The following TRPC5 variants were observed in gnomAD, a reference collection of about 807,000 sequenced individuals.
TRPC5 encodes the protein transient receptor potential cation channel subfamily C member 5.
TRPC5 carries 9 observed loss-of-function variants against 56.5 expected under a neutral mutation model. That is an observed-to-expected ratio of 0.16 (90% confidence interval 0.10 to 0.28). The LOEUF is 0.28. Ranked by LOEUF, TRPC5 falls within the 10% of genes least tolerant of loss-of-function variation. The pLI, the probability that TRPC5 is intolerant of heterozygous loss-of-function variation, is 1.00. For synonymous variants in TRPC5, 282 were observed against 278.5 expected, an observed-to-expected ratio of 1.01 and a Z score of -0.13; for missense variants, 469 against 748.9, an observed-to-expected ratio of 0.63 and a Z score of 4.36.
At chrX:112,017,711 T>C (rs1375674311) in intron 1 of TRPC5, among the ~76,000 whole-genome samples, 2 of 111,607 alleles carry the variant, frequency 1.8e-5, no homozygotes, top group Non-Finnish European at 3.8e-5. Context: ...AATACTTGTG[T>C]TTTTCTGCAA....
intron 1 of TRPC5, among the ~76,000 whole-genome samples, chrX:111,974,507 G>A (rs1221979427): frequency 1.8e-5 from 2 of 112,131 alleles, no homozygotes; most frequent in South Asian, 3.7e-4. Context: ...AATCTAAGAA[G>A]CATTTATTCA....
intron 2 of TRPC5, among the ~76,000 whole-genome samples, chrX:111,946,282 GCCAAGTAGCTTTA>G (rs1238250086): frequency 8.9e-6 from 1 of 111,980 alleles, no homozygotes; most frequent in Non-Finnish European, 1.9e-5. Context: ...ACCTGCCTGA[GCCAAGTAGCTTTA>G]CCCAGGTTCC....
chrX:111,943,632 T>C (rs1926841493), intron 2 of TRPC5, among the ~76,000 whole-genome samples: 1 of 112,466 alleles, frequency 8.9e-6, no homozygotes, highest in South Asian at 3.7e-4. Context: ...TTCACCTGCT[T>C]GCATTGACGC....
intron 7 of TRPC5, among the ~76,000 whole-genome samples, chrX:111,819,488 A>G (rs977890385): frequency 1.8e-5 from 2 of 110,889 alleles, no homozygotes; most frequent in Admixed American, 1.9e-4. Context: ...TCCACTGGGG[A>G]GTGAGGGAAC....
rs1287332203 is a variant in TRPC5, at chrX:111,791,292, A to T, written c.1897-9154T>A. Reference sequence around the variant, plus strand: ...ATGTCAGCCAGCTTTTTCATCAGCCACCCTAGTCCTGGCACAATGGATTCA... The same window carrying T: ...ATGTCAGCCAGCTTTTTCATCAGCCTCCCTAGTCCTGGCACAATGGATTCA... On this transcript the variant is annotated intron_variant, in intron 7 of 10. Coordinates refer to ENST00000262839, the MANE Select transcript of TRPC5 (RefSeq NM_012471.3). 4.5e-5 allele frequency among the ~76,000 whole-genome samples: 5 copies of T among 111,096 alleles called. No homozygotes were observed. The East Asian group carries it at 1.1e-3, about 25-fold the overall frequency.
At chrX:111,909,163 A>ACAC (rs60733301) in intron 3 of TRPC5, among the ~76,000 whole-genome samples, 1 of 92,764 alleles carries the variant, frequency 1.1e-5, no homozygotes, top group South Asian at 5.1e-4. Flanking sequence ...AAAAAAAAAA[A>ACAC]AAAAAAAAAA....
At chrX:111,785,599 G>T (rs1945956036) in intron 7 of TRPC5, among the ~76,000 whole-genome samples, 1 of 111,547 alleles carries the variant, frequency 9.0e-6, no homozygotes, top group Admixed American at 9.5e-5. Flanking sequence ...CAGAAGGTCG[G>T]TAATAACAAA....
At chrX:112,060,546 T>C (rs1346788993) in intron 1 of TRPC5, among the ~76,000 whole-genome samples, 7 of 111,913 alleles carry the variant, frequency 6.3e-5, no homozygotes, top group African/African-American at 2.3e-4. Context: ...GAATCTTTTC[T>C]GAGGTTATCT....
At chrX:111,785,636 G>A (rs186817883) in intron 7 of TRPC5, among the ~76,000 whole-genome samples, 39 of 111,673 alleles carry the variant, frequency 3.5e-4, no homozygotes, top group African/African-American at 1.3e-3. Flanking sequence ...GAGGATGTTC[G>A]AACCCATCAT....
chrX:111,999,957 C>G (rs1385995637), intron 1 of TRPC5, among the ~76,000 whole-genome samples: 2 of 111,781 alleles, frequency 1.8e-5, no homozygotes, highest in Non-Finnish European at 3.8e-5. Flanking sequence ...CAGAGCAACA[C>G]TCCGTCTCAA....
At chrX:111,979,743 G>A (rs1928028083) in intron 1 of TRPC5, among the ~76,000 whole-genome samples, 1 of 111,394 alleles carries the variant, frequency 9.0e-6, no homozygotes, top group African/African-American at 3.3e-5. Context: ...TAGTTTTTAG[G>A]TAAATACAAA....
intron 3 of TRPC5, chrX:111,903,921 A>G (rs1384242582): frequency 8.9e-6 from 1 of 112,147 alleles, no homozygotes; most frequent in Non-Finnish European, 1.9e-5. Flanking sequence ...TTAGCTATTG[A>G]TCTAAACCAT....
chrX:111,998,573 A>T (rs944256658), intron 1 of TRPC5, among the ~76,000 whole-genome samples: 1 of 112,144 alleles, frequency 8.9e-6, no homozygotes, highest in Non-Finnish European at 1.9e-5. Context: ...AGCCCTCTGT[A>T]TCCACGGATT....
chrX:112,040,779 A>G (rs1020852264), intron 1 of TRPC5, among the ~76,000 whole-genome samples: 2 of 111,983 alleles, frequency 1.8e-5, no homozygotes, highest in African/African-American at 6.5e-5. Context: ...ACCCTTAATT[A>G]TCTCACAGGT....
In TRPC5 at chrX:111,912,654, C is replaced by T; in HGVS notation, c.537G>A (p.Val179=). Residue 179 remains valine, a synonymous_variant, in exon 3 of 11, where the codon GTG becomes GTA. Transcript: ENST00000262839. ...PRPHQIRCNC[V]ECVSSSEVDS... is the part of the protein sequence containing the mutation. The stretch of plus-strand genomic sequence containing the variant: ...CTACCTCTGAACTAGACACACACTC[C>T]ACACAGTTGCAGCGGATCTGGTGGG... 1.7e-6 allele frequency: 2 copies of T among 1,211,312 alleles called. No homozygotes were observed. The highest frequency in any genetic ancestry group is 2.2e-6 in the Non-Finnish European group (2 of 895,494).
At chrX:111,890,454 G>A (rs936012283) in intron 3 of TRPC5, among the ~76,000 whole-genome samples, 17 of 112,052 alleles carry the variant, frequency 1.5e-4, no homozygotes, top group African/African-American at 2.9e-4. Flanking sequence ...GTATATGAGG[G>A]AGGATGTGCA....
intron 1 of TRPC5, among the ~76,000 whole-genome samples, chrX:111,965,912 G>T (rs1927553055): frequency 9.0e-6 from 1 of 111,481 alleles, no homozygotes; most frequent in African/African-American, 3.3e-5. Context: ...ACAATTAAAA[G>T]AACTAGAAAA....
chrX:111,813,932 G>T (rs1056960545), intron 7 of TRPC5, among the ~76,000 whole-genome samples: 1 of 112,013 alleles, frequency 8.9e-6, no homozygotes, highest in Non-Finnish European at 1.9e-5. Context: ...ACCTCACTTG[G>T]ATTGCTTTCT....
intron 3 of TRPC5, chrX:111,902,206 C>T: frequency 1.0e-6 from 1 of 1,004,311 alleles, no homozygotes; most frequent in Non-Finnish European, 1.3e-6. Context: ...CTGCCCCCGT[C>T]CCCAGGGATG....
Sources: gnomAD v4.1 joint callset for allele counts (sites outside exome capture counted in the v4.1 genomes callset) on GRCh38, gnomAD v4.1.1 for gene constraint, MANE v1.5 for transcripts, NCBI Gene and HGNC (gene_info 2026-07-23, HGNC 2026-07-21) for gene names.